Variants in KCNQ2 observed in about 807,000 individuals in gnomAD.
KCNQ2 encodes potassium voltage-gated channel subfamily Q member 2, also known as potassium voltage-gated channel subfamily KQT member 2.
Under a neutral mutation model 84.8 loss-of-function variants are expected in KCNQ2, and 14 were observed. That is an observed-to-expected ratio of 0.17 (90% CI 0.11 to 0.26). The LOEUF is 0.26. Among genes scored for constraint, KCNQ2 ranks in the 10% least tolerant of loss-of-function variants. The pLI is 1.00. For missense variants in KCNQ2, 788 were observed against 1,254.0 expected (o/e 0.63, Z 5.61); for synonymous variants, 599 against 554.1 (o/e 1.08, Z -1.14).
intron 12 of KCNQ2, among the ~76,000 whole-genome samples, chr20:63,417,057 G>T (rs1056699696): frequency 6.6e-6 from 1 of 152,174 alleles, no homozygotes; most frequent in Admixed American, 6.5e-5. Context: ...GGAGCCGATG[G>T]TACAGGCTCG....
chr20:63,434,188 G>C (rs1485758341), intron 7 of KCNQ2: 1 of 493,112 alleles, frequency 2.0e-6, no homozygotes, highest in Non-Finnish European at 3.6e-6. Flanking sequence ...GGGAGGCTGT[G>C]TTCTTTCCTT....
Position 63,407,016 on chromosome 20 carries a change from C to T in KCNQ2, c.2247G>A (p.Glu749=). ...CCCCGCCGTAGGCGGACAGCGACCG[C>T]TCGTGGGCAGGCGGCGGCGGGATGC... ...LVRIPPPPAH[E]RSLSAYGGGN... is the part of the protein sequence containing the mutation. Residue 749 remains glutamate (E), a synonymous_variant, in exon 17 of 17, where the codon GAG becomes GAA. Transcript: ENST00000359125. The surrounding 1 kb of genome is among the most constrained non-coding windows in gnomAD (Gnocchi z 7.2). The T allele has an allele frequency of 3.9e-6, 6 of 1,530,042 alleles. No individual in the cohort carries two copies. The highest frequency in any genetic ancestry group is 5.3e-6 in the Non-Finnish European group (6 of 1,141,416). 94.8% of individuals were successfully genotyped at this position (1,530,042 alleles called of 1,614,324 possible). A position where few individuals can be genotyped will look rare whatever the true frequency, so the allele number is the denominator to read the frequency against.
intron 1 of KCNQ2, among the ~76,000 whole-genome samples, chr20:63,450,833 A>G (rs1600813989): frequency 1.3e-5 from 2 of 151,934 alleles, no homozygotes; most frequent in Non-Finnish European, 2.9e-5. Context: ...CTGTTTAAAA[A>G]CCAAAAAGCA....
chr20:63,433,233 T>C (rs1017295599), intron 8 of KCNQ2, among the ~76,000 whole-genome samples: 2 of 152,226 alleles, frequency 1.3e-5, no homozygotes, highest in South Asian at 2.1e-4. Flanking sequence ...AGGCACTTTC[T>C]AGGCCCCCTT....
chr20:63,415,985 C>G (rs1295125848), intron 12 of KCNQ2, among the ~76,000 whole-genome samples: 1 of 152,220 alleles, frequency 6.6e-6, no homozygotes, highest in Non-Finnish European at 1.5e-5. Context: ...GCCTTTCCAC[C>G]CACCCCGGGG....
chr20:63,470,123 A>C (rs368117176), intron 1 of KCNQ2, among the ~76,000 whole-genome samples: 2 of 152,258 alleles, frequency 1.3e-5, no homozygotes, highest in African/African-American at 4.8e-5. Context: ...AGGCAGGACC[A>C]GAAACCCTGC....
chr20:63,414,109 T>C lies in KCNQ2; in HGVS notation c.1610A>G (p.Lys537Arg), dbSNP rs760044488. 1.9e-6 allele frequency: 3 copies of C among 1,613,568 alleles called. No homozygotes were observed. Among genetic ancestry groups the C allele is most frequent in the Admixed American group, 1.7e-5 (1 of 60,014 alleles). ...FVTEDLTPGL[K>R]VSIRAVCVMR... ...TCACCACACGGCTCTGATGCTGACTTTGAGGCCCGGGGTCAGGTCCTCGGT... is the reference window on the plus strand; with the variant it reads ...TCACCACACGGCTCTGATGCTGACTCTGAGGCCCGGGGTCAGGTCCTCGGT... The change falls in exon 14 of 17, where the codon AAA becomes AGA. Residue 537 changes from lysine to arginine, a missense_variant. Lys to Arg is a conservative substitution (Grantham distance 26). Around this residue, in one of 8 missense-constraint regions of KCNQ2, gnomAD observed 202 missense variants for 239.4 expected, o/e 0.84. Transcript: ENST00000359125. This position sits in a 1 kb window ranked among gnomAD's most constrained non-coding sequence, Gnocchi z 6.6.
intron 15 of KCNQ2, among the ~76,000 whole-genome samples, chr20:63,409,315 GT>G (rs1282200836): frequency 1.3e-5 from 2 of 152,252 alleles, no homozygotes; most frequent in Non-Finnish European, 2.9e-5. Context: ...ACGTTTGCGT[GT>G]GTGCATGTGT....
In KCNQ2 at chr20:63,438,283, G is replaced by A; in HGVS notation, c.1023+342C>T. ...CGAGGTCAGGCACTGACTCACTGCA[G>A]TGTGTGGGCTCTAGGAGCCTTGGCC... On this transcript the variant is annotated intron_variant, in intron 7 of 16. Transcript: ENST00000359125. This position sits in a 1 kb window ranked among gnomAD's most constrained non-coding sequence, Gnocchi z 5.1. 2.3e-6 allele frequency: 1 copy of A among 431,182 alleles called. No individual in the cohort carries two copies. The highest frequency in any genetic ancestry group is 4.4e-6 in the Non-Finnish European group (1 of 229,390). 26.7% of individuals were successfully genotyped at this position (431,182 alleles called of 1,614,324 possible).
intron 1 of KCNQ2, among the ~76,000 whole-genome samples, chr20:63,467,573 C>G (rs2082113522): frequency 6.6e-6 from 1 of 152,216 alleles, no homozygotes; most frequent in Non-Finnish European, 1.5e-5. Context: ...CTCTTGCGAG[C>G]AGCTGCCAGA....
intron 9 of KCNQ2, among the ~76,000 whole-genome samples, chr20:63,429,150 TCC>T (rs2080719482): frequency 2.0e-5 from 3 of 149,514 alleles, no homozygotes; most frequent in Admixed American, 1.3e-4. Flanking sequence ...GGGTGGGACG[TCC>T]CCCTCTTCAC....
At chr20:63,439,345 CAG>C (rs1339692092) in intron 6 of KCNQ2, among the ~76,000 whole-genome samples, 2 of 152,252 alleles carry the variant, frequency 1.3e-5, no homozygotes, top group East Asian at 3.8e-4. Flanking sequence ...CAGTGACTAA[CAG>C]AGCCCCCTGA....
intron 1 of KCNQ2, among the ~76,000 whole-genome samples, chr20:63,462,875 G>A (rs992618494): frequency 4.6e-5 from 7 of 152,178 alleles, no homozygotes; most frequent in African/African-American, 1.7e-4. Context: ...CCACACATGT[G>A]AAAAGAAGTG....
chr20:63,446,956 G>T lies in KCNQ2; in HGVS notation c.297-119C>A. The T allele has an allele frequency of 1.1e-6, 1 of 905,084 alleles. No individual in the cohort carries two copies. The highest frequency in any genetic ancestry group is 1.8e-6 in the Non-Finnish European group (1 of 548,576). 56.1% of individuals were successfully genotyped at this position (905,084 alleles called of 1,614,324 possible). A position where few individuals can be genotyped will look rare whatever the true frequency, so the allele number is the denominator to read the frequency against. On this transcript the variant is annotated intron_variant, in intron 1 of 16. Transcript: ENST00000359125. This position sits in a 1 kb window ranked among gnomAD's most constrained non-coding sequence, Gnocchi z 5.5. ...CGCAGCAGGGCACCAGCATGGCCGC[G>T]TCTCCAGAACGCAGGACCCCACTCC...
rs1050083274 is a variant in KCNQ2 at position 63,446,155 on chromosome 20, G to C, written c.387+592C>G. On this transcript the variant is annotated intron_variant, in intron 2 of 16. Coordinates refer to ENST00000359125, the MANE Select transcript of KCNQ2 (RefSeq NM_172107.4). The surrounding 1 kb of genome is among the most constrained non-coding windows in gnomAD (Gnocchi z 5.5). ...GGGGGGTGCACAGCAGGGCTGAGCT[G>C]AGGGAAGGCCCCAGGTAACTGCAAA... 1 of 273,992 alleles carries C rather than the reference G, an allele frequency of 3.6e-6. No individual in the cohort carries two copies. Among genetic ancestry groups the C allele is most frequent in the South Asian group, 3.4e-5 (1 of 29,200 alleles). 17.0% of individuals were successfully genotyped at this position (273,992 alleles called of 1,614,324 possible). A position where few individuals can be genotyped will look rare whatever the true frequency, so the allele number is the denominator to read the frequency against.
intron 8 of KCNQ2, chr20:63,433,605 GA>G (rs1386059984): frequency 2.1e-6 from 2 of 944,058 alleles, no homozygotes; most frequent in Non-Finnish European, 3.2e-6. Context: ...GTGAGGAAAT[GA>G]AAGTGAAGAG....
intron 6 of KCNQ2, 32 bp downstream of exon 6, chr20:63,439,566 C>A: frequency 6.5e-7 from 1 of 1,531,714 alleles, no homozygotes; most frequent in Non-Finnish European, 9.0e-7. Context: ...ACCTCGTCCC[C>A]CTCCAAGGCA....
chr20:63,419,002 C>T (rs1192619889), intron 12 of KCNQ2, among the ~76,000 whole-genome samples: 1 of 152,204 alleles, frequency 6.6e-6, no homozygotes, highest in African/African-American at 2.4e-5. Context: ...CAGGCCTGCA[C>T]ACACCCAACA....
At chr20:63,422,964 G>A (rs1017419545) in intron 11 of KCNQ2, among the ~76,000 whole-genome samples, 6 of 152,184 alleles carry the variant, frequency 3.9e-5, no homozygotes, top group Non-Finnish European at 8.8e-5. Context: ...GGTGCCCATT[G>A]TGGGGGGCAC....
Sources: gnomAD v4.1 joint callset for allele counts (sites outside exome capture counted in the v4.1 genomes callset) on GRCh38, gnomAD v4.1.1 for gene constraint, gnomAD v4.1.1 regional missense constraint, Gnocchi (gnomAD v3.1) non-coding constraint, MANE v1.5 for transcripts, NCBI Gene and HGNC (gene_info 2026-07-23, HGNC 2026-07-21) for gene names.